Variants in MAST2 observed in about 807,000 individuals in gnomAD.
MAST2 encodes the protein microtubule associated serine/threonine kinase 2.
Under a neutral mutation model 147.4 loss-of-function variants are expected in MAST2, and 70 were observed. The observed-to-expected ratio is 0.47, with a 90% CI of 0.39 to 0.58. MAST2 has a LOEUF of 0.58. MAST2 is among the 20% of genes least tolerant of loss of function. The pLI is 0.00. For missense variants in MAST2, 2,080 were observed against 2,302.3 expected, an observed-to-expected ratio of 0.90 and a Z score of 1.98; for synonymous variants, 869 against 896.8, an observed-to-expected ratio of 0.97 and a Z score of 0.55.
At chr1:46,034,476 T>G in intron 28 of MAST2, 62 bp from the exon 29 acceptor site, 1 of 1,523,544 alleles carries the variant, frequency 6.6e-7, no homozygotes, top group South Asian at 1.2e-5. Flanking sequence ...TGCCCTTGAG[T>G]CACTTCTAAC....
At chr1:45,960,275 G>T (rs1310032247) in intron 5 of MAST2, among the ~76,000 whole-genome samples, 3 of 152,126 alleles carry the variant, frequency 2.0e-5, no homozygotes, top group Non-Finnish European at 2.9e-5. Context: ...TTGGGAAGCT[G>T]AGATGGGCCA....
rs182142152 is a variant in MAST2 at position 45,866,969 on chromosome 1, T to A, written c.469-15395T>A. ...TTTCACCATGTTGGCCAGCCGGGTC[T>A]CAAACTCCTGACCTCAGGTGATCCA... is the stretch of plus-strand genomic sequence containing the variant. On this transcript the variant is annotated intron_variant, in intron 3 of 28. Coordinates refer to ENST00000361297, the MANE Select transcript of MAST2 (RefSeq NM_015112.3). 6.0e-3 allele frequency among the ~76,000 whole-genome samples: 914 copies of A among 152,256 alleles called. 10 individuals are homozygous for A. Among genetic ancestry groups the A allele is most frequent in the African/African-American group, 0.021 (879 of 41,554 alleles).
chr1:45,854,937 A>C (rs1448833123), intron 3 of MAST2, among the ~76,000 whole-genome samples: 1 of 152,234 alleles, frequency 6.6e-6, no homozygotes, highest in Non-Finnish European at 1.5e-5. Flanking sequence ...GGAGAAGCAC[A>C]TAGGATGAGG....
intron 4 of MAST2, among the ~76,000 whole-genome samples, chr1:45,888,806 C>G (rs906370746): frequency 6.6e-6 from 1 of 150,680 alleles, no homozygotes; most frequent in African/African-American, 2.4e-5. Flanking sequence ...CTCAGCCTCC[C>G]CAGTAGCTGG....
intron 4 of MAST2, among the ~76,000 whole-genome samples, chr1:45,937,219 C>T (rs960471192): frequency 1.5e-5 from 2 of 129,748 alleles, no homozygotes; most frequent in African/African-American, 6.1e-5. Flanking sequence ...TAAAGGCATG[C>T]ACCACCATGG....
At chr1:45,959,595 C>A in intron 5 of MAST2, 118 bp downstream of exon 5, 2 of 806,392 alleles carry the variant, frequency 2.5e-6, no homozygotes, top group Admixed American at 2.4e-5. Flanking sequence ...ACTTGGCTGA[C>A]TGAAGCAGAC....
At chr1:45,939,541 TTG>T (rs1557937074) in intron 4 of MAST2, among the ~76,000 whole-genome samples, 1 of 146,194 alleles carries the variant, frequency 6.8e-6, no homozygotes, top group East Asian at 2.0e-4. Context: ...CAATTTTTTT[TTG>T]GGGGGGTGGG....
chr1:45,838,300 ACCT>A (rs1476729667), intron 3 of MAST2, among the ~76,000 whole-genome samples: 1 of 144,688 alleles, frequency 6.9e-6, no homozygotes, highest in East Asian at 2.0e-4. Flanking sequence ...GCTCACTGCA[ACCT>A]CCGCCTCCTG....
chr1:45,811,529 C>T (rs1317920195), intron 1 of MAST2, among the ~76,000 whole-genome samples: 1 of 149,624 alleles, frequency 6.7e-6, no homozygotes, highest in African/African-American at 2.5e-5. Flanking sequence ...TTAGTAGAGA[C>T]GGGGTTTCAC....
In MAST2 at chr1:46,035,117, A is replaced by G; in HGVS notation, c.4448A>G (p.Gln1483Arg). The change falls in exon 29 of 29, where the codon CAG (glutamine) becomes CGG (arginine). Residue 1483 changes from glutamine to arginine, a missense_variant. This residue lies in a region of MAST2 where 1,278 missense variants were observed against 1,304.2 expected (regional missense o/e 0.98). Coordinates refer to ENST00000361297, the MANE Select transcript of MAST2 (RefSeq NM_015112.3). This position sits in a 1 kb window ranked among gnomAD's most constrained non-coding sequence, Gnocchi z 5.5. Reference sequence around the variant, plus strand: ...TCACGGGCCCTAGGCACCCTCCGGCAGGACCGAGCCGAACGACGGGAGTCG... The same window carrying G: ...TCACGGGCCCTAGGCACCCTCCGGCGGGACCGAGCCGAACGACGGGAGTCG... ...APSRALGTLR[Q>R]DRAERRESLQ... 1 of 1,613,658 alleles carries G rather than the reference A, an allele frequency of 6.2e-7. No individual in the cohort carries two copies. Among genetic ancestry groups the G allele is most frequent in the Non-Finnish European group, 8.5e-7 (1 of 1,179,966 alleles).
At chr1:45,812,425 C>CTTTT (rs35095652) in intron 1 of MAST2, among the ~76,000 whole-genome samples, 1 of 121,678 alleles carries the variant, frequency 8.2e-6, no homozygotes, top group Non-Finnish European at 1.7e-5. Context: ...ATCTGTAAGC[C>CTTTT]TTTTTTTTTT....
chr1:45,813,682 A>G (rs1422947733), intron 1 of MAST2, among the ~76,000 whole-genome samples: 2 of 152,052 alleles, frequency 1.3e-5, no homozygotes, highest in Non-Finnish European at 2.9e-5. Flanking sequence ...TATTTTTAGT[A>G]GAGACAGTGT....
At chr1:45,985,676 A>G (rs115578874) in intron 5 of MAST2, among the ~76,000 whole-genome samples, 4,588 of 152,230 alleles carry the variant, frequency 0.03, 231 homozygotes, top group African/African-American at 0.1. Flanking sequence ...TTTTATTGGG[A>G]TTGTGCTGAA....
intron 1 of MAST2, among the ~76,000 whole-genome samples, chr1:45,811,221 C>T (rs955397232): frequency 6.7e-6 from 1 of 149,386 alleles, no homozygotes; most frequent in East Asian, 2.0e-4. Context: ...GGCTGGAGTG[C>T]GATGGCACGA....
At chr1:45,876,637 G>A (rs1646618872) in intron 3 of MAST2, among the ~76,000 whole-genome samples, 1 of 152,198 alleles carries the variant, frequency 6.6e-6, no homozygotes, top group Admixed American at 6.5e-5. Flanking sequence ...TCCCCAACTT[G>A]CTGTGAATAT....
rs942708345 is a variant in MAST2, at chr1:46,032,517, T to G, written c.3415-79T>G. On this transcript the variant is annotated intron_variant, in intron 25 of 28. Coordinates refer to ENST00000361297, the MANE Select transcript of MAST2 (RefSeq NM_015112.3). ...GGTCAAAGGGTGGTGGTGAAGGGGC[T>G]CACAGCTTAATGTCCAGAACCAGGC... 8 of 1,597,526 alleles carry G rather than the reference T, an allele frequency of 5.0e-6. No individual in the cohort carries two copies. In the African/African-American group the frequency reaches 1.1e-4, roughly 21 times the overall value.
At chr1:45,804,134 C>T (rs1644068902) in intron 1 of MAST2, 62 bp downstream of exon 1, 3 of 1,199,984 alleles carry the variant, frequency 2.5e-6, no homozygotes, top group Non-Finnish European at 3.1e-6. Context: ...AGGGGATCTT[C>T]GGCGGGAGGA....
chr1:45,892,508 GCTT>G (rs1647988538), intron 4 of MAST2, among the ~76,000 whole-genome samples: 1 of 152,130 alleles, frequency 6.6e-6, no homozygotes, highest in Non-Finnish European at 1.5e-5. Flanking sequence ...TTAGTAGTCG[GCTT>G]CTTAACTAAA....
At chr1:45,999,021 C>G (rs796256856) in intron 6 of MAST2, among the ~76,000 whole-genome samples, 5 of 152,186 alleles carry the variant, frequency 3.3e-5, no homozygotes, top group African/African-American at 1.2e-4. Flanking sequence ...CATGAGCCAC[C>G]GTGCCCGGCC....
Sources: gnomAD v4.1 joint callset for allele counts (sites outside exome capture counted in the v4.1 genomes callset) on GRCh38, gnomAD v4.1.1 for gene constraint, gnomAD v4.1.1 regional missense constraint, Gnocchi (gnomAD v3.1) non-coding constraint, MANE v1.5 for transcripts, NCBI Gene and HGNC (gene_info 2026-07-23, HGNC 2026-07-21) for gene names.